Variants in ZC3H6 observed in about 807,000 individuals in gnomAD.
ZC3H6 encodes the protein zinc finger CCCH domain-containing protein 6.
In ZC3H6, 40 loss-of-function variants were observed where a neutral mutation model predicts 107.7. The ratio of observed to expected loss-of-function variants is 0.37; its 90% confidence interval spans 0.29 to 0.48. The LOEUF is 0.48. Among genes scored for constraint, ZC3H6 ranks in the 20% least tolerant of loss-of-function variants. The pLI is 0.98. For synonymous variants in ZC3H6, 493 were observed against 487.9 expected (o/e 1.01, Z -0.14); for missense variants, 1,267 against 1,410.4 (o/e 0.90, Z 1.63).
rs769924975 is a variant in ZC3H6 at position 112,331,263 on chromosome 2, C to T, written c.2345C>T (p.Ala782Val). ...SESAPLDLRL[A>V]WDPRKLRGNG... ...TCTGCCCCACTGGATCTTAGACTTG[C>T]GTGGGATCCCAGGAAATTGAGAGGG... Residue 782 changes from alanine to valine, a missense_variant, in exon 12 of 12, where the codon GCG (alanine) becomes GTG (valine). Transcript: ENST00000409871. 13 of 1,613,542 alleles carry T rather than the reference C, an allele frequency of 8.1e-6. No individual in the cohort carries two copies. The highest frequency in any genetic ancestry group is 1.3e-5 in the African/African-American group (1 of 74,890).
rs988904081 is a variant in ZC3H6, at chr2:112,301,694, A to G, written c.214-1535A>G. 2.0e-5 allele frequency among the ~76,000 whole-genome samples: 3 copies of G among 152,272 alleles called. 1 individual carries two copies. Among genetic ancestry groups the G allele is most frequent in the Admixed American group, 2.0e-4 (3 of 15,306 alleles). On this transcript the variant is annotated intron_variant, in intron 2 of 11. Coordinates refer to ENST00000409871, the MANE Select transcript of ZC3H6 (RefSeq NM_198581.3). ...TTTAAAATGACAAAAAATTAAGAAA[A>G]CAATATAAGCTATGCTCAAACAGCA...
intron 8 of ZC3H6, among the ~76,000 whole-genome samples, chr2:112,322,308 C>G (rs1379217832): frequency 6.6e-6 from 1 of 151,838 alleles, no homozygotes; most frequent in Admixed American, 6.6e-5. Flanking sequence ...AACCTCCACA[C>G]CCTGCTCCTT....
chr2:112,278,425 C>T (rs1196585202), intron 1 of ZC3H6, among the ~76,000 whole-genome samples: 5 of 152,218 alleles, frequency 3.3e-5, no homozygotes, highest in Non-Finnish European at 7.3e-5. Context: ...TCACACCATT[C>T]TCCTGCCTCA....
intron 7 of ZC3H6, among the ~76,000 whole-genome samples, chr2:112,320,904 G>T (rs761325474): frequency 1.1e-4 from 17 of 152,034 alleles, no homozygotes; most frequent in Non-Finnish European, 1.8e-4. Context: ...CAGTTTTAAA[G>T]TAAGTTTTAA....
At chr2:112,325,811 G>T (rs937157360) in intron 11 of ZC3H6, among the ~76,000 whole-genome samples, 2 of 151,794 alleles carry the variant, frequency 1.3e-5, no homozygotes, top group Admixed American at 6.6e-5. Context: ...GCTATAATAA[G>T]AAATATTTTT....
rs556591629 is a variant in ZC3H6, at chr2:112,339,701, T to G, written c.*7213T>G. The G allele has an allele frequency of 7.5e-6, 1 of 133,558 alleles. No individual in the cohort carries two copies. The highest frequency in any genetic ancestry group is 2.1e-4 in the East Asian group (1 of 4,838). The allele number at this position is 133,558 out of a possible 1,614,324, so 8.3% of individuals were successfully genotyped here. A position where few individuals can be genotyped will look rare whatever the true frequency, so the allele number is the denominator to read the frequency against. Reference sequence around the variant, plus strand: ...CCAGGTTATACCTATTCACTATGACTTTTTTTTTTTTTAACTTTCTACTGT... The same window carrying G: ...CCAGGTTATACCTATTCACTATGACGTTTTTTTTTTTTAACTTTCTACTGT... On this transcript the variant is annotated 3_prime_UTR_variant, in exon 12 of 12. Coordinates refer to ENST00000409871, the MANE Select transcript of ZC3H6 (RefSeq NM_198581.3).
intron 11 of ZC3H6, among the ~76,000 whole-genome samples, chr2:112,326,787 AT>A (rs1676913635): frequency 1.3e-5 from 2 of 151,740 alleles, no homozygotes; most frequent in South Asian, 4.2e-4. Context: ...TAATTTTTAT[AT>A]TTTTAGTAGA....
chr2:112,280,521 A>G (rs556911039), intron 1 of ZC3H6, among the ~76,000 whole-genome samples: 4 of 152,268 alleles, frequency 2.6e-5, no homozygotes, highest in African/African-American at 9.6e-5. Flanking sequence ...CACTGACAAA[A>G]GAACTCTGGA....
chr2:112,313,993 C>T (rs1676640963), intron 5 of ZC3H6, among the ~76,000 whole-genome samples: 1 of 152,120 alleles, frequency 6.6e-6, no homozygotes, highest in Non-Finnish European at 1.5e-5. Flanking sequence ...ATTTACTGTA[C>T]CTATTACATT....
At chr2:112,278,995 T>C (rs1251458158) in intron 1 of ZC3H6, among the ~76,000 whole-genome samples, 1 of 152,242 alleles carries the variant, frequency 6.6e-6, no homozygotes, top group Non-Finnish European at 1.5e-5. Context: ...ATCCATTTAG[T>C]GTACTTTCCT....
In ZC3H6 at chr2:112,332,316, C is replaced by CGGA. The variant is rs776522120; in HGVS notation, c.3398_3399insGGA (p.Pro1133_Val1134insAsp). ...CAGGTCCCAGCAGTGCACAGCCTTC[C>CGGA]TGTTCAGGCATTAACAGGCTTAATT... On this transcript the variant is annotated inframe_insertion, in exon 12 of 12. Transcript: ENST00000409871. The CGGA allele has an allele frequency of 6.2e-7, 1 of 1,613,864 alleles. No individual in the cohort carries two copies. The highest frequency in any genetic ancestry group is 8.5e-7 in the Non-Finnish European group (1 of 1,179,894).
chr2:112,299,670 CCATA>C (rs1213511663), intron 1 of ZC3H6, among the ~76,000 whole-genome samples, 175 bp from the exon 2 acceptor site: 3 of 152,156 alleles, frequency 2.0e-5, no homozygotes, highest in African/African-American at 7.2e-5. Flanking sequence ...GCAACAGAAA[CCATA>C]TATGGCCTGC....
At position 112,337,553 on chromosome 2, in the gene ZC3H6, C is replaced by A. The variant is rs1341778977; in HGVS notation, c.*5065C>A. The A allele has an allele frequency of 2.0e-5, 3 of 151,836 alleles. No individual in the cohort carries two copies. The highest frequency in any genetic ancestry group is 2.0e-4 in the Admixed American group (3 of 15,238). The allele number at this position is 151,836 out of a possible 1,614,324, so 9.4% of individuals were successfully genotyped here. A position where few individuals can be genotyped will look rare whatever the true frequency, so the allele number is the denominator to read the frequency against. ...ATCAGGCTGATCTTGAACTCCTGAC[C>A]CCAGGTGATCCACCCGCCTCAACCT... is the stretch of plus-strand genomic sequence containing the variant. On this transcript the variant is annotated 3_prime_UTR_variant, in exon 12 of 12. Coordinates refer to ENST00000409871, the MANE Select transcript of ZC3H6 (RefSeq NM_198581.3).
Position 112,333,922 on chromosome 2 carries a change from G to A in ZC3H6, c.*1434G>A, listed in dbSNP as rs950069041. 1 of 152,000 alleles carries A rather than the reference G, an allele frequency of 6.6e-6. No individual in the cohort carries two copies. The highest frequency in any genetic ancestry group is 2.4e-5 in the African/African-American group (1 of 41,404). 9.4% of individuals were successfully genotyped at this position (152,000 alleles called of 1,614,324 possible). A position where few individuals can be genotyped will look rare whatever the true frequency, so the allele number is the denominator to read the frequency against. On this transcript the variant is annotated 3_prime_UTR_variant, in exon 12 of 12. Coordinates refer to ENST00000409871, the MANE Select transcript of ZC3H6 (RefSeq NM_198581.3). ...GAACCTAACACTCACATAGCATATG[G>A]TTTATTAATAATGCATATCCTTTCT... is the stretch of plus-strand genomic sequence containing the variant.
At chr2:112,289,062 CT>C (rs532443613) in intron 1 of ZC3H6, among the ~76,000 whole-genome samples, 41 of 125,344 alleles carry the variant, frequency 3.3e-4, no homozygotes, top group Non-Finnish European at 3.9e-4. Context: ...TCTTTTTTTT[CT>C]TTTTTTTTTT....
intron 11 of ZC3H6, among the ~76,000 whole-genome samples, chr2:112,326,815 G>C (rs1363216105): frequency 6.6e-6 from 1 of 151,910 alleles, no homozygotes; most frequent in Non-Finnish European, 1.5e-5. Context: ...GTTTCACTGT[G>C]TTGGCCACGC....
chr2:112,293,880 A>C (rs1003197848), intron 1 of ZC3H6, among the ~76,000 whole-genome samples: 2 of 152,242 alleles, frequency 1.3e-5, no homozygotes, highest in African/African-American at 4.8e-5. Flanking sequence ...CCGCAGGGTA[A>C]CACTGAAACT....
Position 112,334,079 on chromosome 2 carries a change from A to G in ZC3H6, c.*1591A>G, listed in dbSNP as rs1677093584. ...AGGAGAGTTACTGAAGGGAATGTGA[A>G]TTTTTACCGTTTGTACTTAAGATAC... On this transcript the variant is annotated 3_prime_UTR_variant, in exon 12 of 12. Transcript: ENST00000409871. 6.6e-6 allele frequency: 1 copy of G among 152,072 alleles called. No homozygotes were observed. The allele number at this position is 152,072 out of a possible 1,614,324, so 9.4% of individuals were successfully genotyped here.
intron 5 of ZC3H6, among the ~76,000 whole-genome samples, chr2:112,314,835 A>G (rs1177570178): frequency 6.6e-6 from 1 of 152,158 alleles, no homozygotes; most frequent in Non-Finnish European, 1.5e-5. Flanking sequence ...ATTATAAGCA[A>G]TTTCATTGTG....
Sources: gnomAD v4.1 joint callset for allele counts (sites outside exome capture counted in the v4.1 genomes callset) on GRCh38, gnomAD v4.1.1 for gene constraint, MANE v1.5 for transcripts, NCBI Gene and HGNC (gene_info 2026-07-23, HGNC 2026-07-21) for gene names.